ATP7B: variants seen among roughly 807,000 people sequenced by gnomAD.
The protein encoded by ATP7B is copper-transporting ATPase 2.
In ATP7B, 113 loss-of-function variants were observed where a neutral mutation model predicts 118.9. The observed-to-expected ratio is 0.95, with a 90% confidence interval of 0.82 to 1.11. The LOEUF (loss-of-function observed/expected upper bound fraction) is 1.11, where lower values mean the gene tolerates loss of function less well. Ranked by LOEUF, ATP7B falls within the 50% of genes most tolerant of loss-of-function variation. The probability of loss-of-function intolerance (pLI) is 0.00; values close to 1 mark genes in which losing one functional copy is unlikely to be tolerated. For synonymous variants in ATP7B, 777 were observed against 727.4 expected, an observed-to-expected ratio of 1.07 and a Z score of -1.10; for missense variants, 1,867 against 1,871.4, an observed-to-expected ratio of 1.00 and a Z score of 0.04.
intron 1 of ATP7B, among the ~76,000 whole-genome samples, chr13:51,993,141 C>A (rs1176447149): frequency 1.3e-5 from 2 of 152,038 alleles, no homozygotes; most frequent in African/African-American, 4.8e-5. Flanking sequence ...CATAAACATA[C>A]ATACACGTAT....
intron 1 of ATP7B, among the ~76,000 whole-genome samples, chr13:52,005,241 G>T (rs1417316319): frequency 6.6e-6 from 1 of 152,162 alleles, no homozygotes; most frequent in Non-Finnish European, 1.5e-5. Context: ...ATCTTTCTAA[G>T]TTCTGCTTCC....
rs766820841 is a variant in ATP7B, at chr13:51,939,131, G to A, written c.3619C>T (p.His1207Tyr). The change falls in exon 17 of 21, where the codon CAC (histidine) becomes TAC (tyrosine). Residue 1207 changes from histidine to tyrosine, a missense_variant. His to Tyr is a moderately conservative substitution (Grantham distance 83). Coordinates refer to ENST00000242839, the MANE Select transcript of ATP7B (RefSeq NM_000053.4). The stretch of plus-strand genomic sequence containing the variant: ...TCCACACCCATGCTCTGCAGCGTGT[G>A]CACAGCCAGGGCAGCCTCCTGCTTG... ...AVKQEAALAV[H>Y]TLQSMGVDVV... 2 of 1,614,200 alleles carry A rather than the reference G, an allele frequency of 1.2e-6. No homozygotes were observed. The highest frequency in any genetic ancestry group is 1.7e-5 in the Admixed American group (1 of 60,038).
chr13:51,994,116 G>A (rs983110295), intron 1 of ATP7B, among the ~76,000 whole-genome samples: 4 of 152,252 alleles, frequency 2.6e-5, no homozygotes, highest in African/African-American at 7.2e-5. Flanking sequence ...TAAACACATG[G>A]CTAAAAGTAT....
At chr13:52,011,199 C>G in intron 1 of ATP7B, 88 bp downstream of exon 1, 8 of 1,603,592 alleles carry the variant, frequency 5.0e-6, no homozygotes, top group Non-Finnish European at 6.8e-6. Flanking sequence ...TGCGCACCCC[C>G]TGGGGGCGAG....
chr13:51,998,636 G>A (rs1953334980), intron 1 of ATP7B, among the ~76,000 whole-genome samples: 1 of 152,130 alleles, frequency 6.6e-6, no homozygotes. Flanking sequence ...AATTTCACGA[G>A]CCATTTTCCA....
At chr13:51,958,184 G>T in intron 8 of ATP7B, 127 bp downstream of exon 8, 1 of 1,109,402 alleles carries the variant, frequency 9.0e-7, no homozygotes, top group Non-Finnish European at 1.3e-6. Flanking sequence ...ATTATATGGA[G>T]GTTTCCTATT....
intron 6 of ATP7B, among the ~76,000 whole-genome samples, chr13:51,961,146 G>C (rs1397286581): frequency 5.3e-5 from 8 of 151,968 alleles, no homozygotes; most frequent in Non-Finnish European, 1.0e-4. Context: ...TTGAGGCTCA[G>C]ATCTTATGTC....
intron 1 of ATP7B, chr13:51,995,221 A>G (rs61958784): frequency 0.049 from 43,611 of 893,834 alleles, 1,192 homozygotes; most frequent in African/African-American, 0.094. Flanking sequence ...CCTCTCCCCA[A>G]TATCCCACAC....
intron 1 of ATP7B, among the ~76,000 whole-genome samples, chr13:52,008,858 C>T (rs1321341391): frequency 6.7e-6 from 1 of 148,602 alleles, no homozygotes; most frequent in Non-Finnish European, 1.5e-5. Flanking sequence ...CTATCTTATT[C>T]CCTTATTCTG....
chr13:51,958,026 G>A (rs763893080), intron 8 of ATP7B: 154 of 500,084 alleles, frequency 3.1e-4, no homozygotes, highest in Middle Eastern at 1.1e-3. Context: ...ATTCAGTTTT[G>A]CACCAAGAGA....
At chr13:51,991,314 C>T (rs571578960) in intron 1 of ATP7B, among the ~76,000 whole-genome samples, 1 of 152,140 alleles carries the variant, frequency 6.6e-6, no homozygotes, top group Non-Finnish European at 1.5e-5. Context: ...CTGTCAGATA[C>T]AGGATACGAT....
At chr13:51,985,731 T>G (rs1391173595) in intron 1 of ATP7B, among the ~76,000 whole-genome samples, 2 of 152,204 alleles carry the variant, frequency 1.3e-5, no homozygotes, top group Non-Finnish European at 2.9e-5. Flanking sequence ...CAGATCACAG[T>G]GCAATCAAAT....
chr13:51,966,769 A>C (rs1951570607), intron 4 of ATP7B: 16 of 1,597,694 alleles, frequency 1.0e-5, no homozygotes, highest in Non-Finnish European at 1.4e-5. Flanking sequence ...GCTGGAAGGA[A>C]GATGGCGCCT....
At position 51,944,231 on chromosome 13, in the gene ATP7B, G is replaced by A. The variant is rs746485916; in HGVS notation, c.3121C>T (p.Arg1041Trp). The A allele has an allele frequency of 1.4e-5, 23 of 1,613,906 alleles. No individual in the cohort carries two copies. Among genetic ancestry groups the A allele is most frequent in the Non-Finnish European group, 1.8e-5 (21 of 1,180,016 alleles). ...GCCACATCCCCCAGCAGGAGCACCC[G>A]CATGACCCTGGGGACGCCATGGGTA... ...TITHGVPRVM[R>W]VLLLGDVATL... Residue 1041 changes from arginine (R) to tryptophan (W), a missense_variant, in exon 14 of 21, where the codon CGG becomes TGG. Arg to Trp is a moderately radical substitution (Grantham distance 101, BLOSUM62 -3). Transcript: ENST00000242839.
At chr13:51,993,103 T>C (rs1226908543) in intron 1 of ATP7B, among the ~76,000 whole-genome samples, 2 of 151,808 alleles carry the variant, frequency 1.3e-5, no homozygotes, top group Admixed American at 6.6e-5. Context: ...TGATCCCATA[T>C]TTATTTTAAA....
chr13:51,980,831 C>G (rs1053031407), intron 1 of ATP7B, among the ~76,000 whole-genome samples: 1 of 152,146 alleles, frequency 6.6e-6, no homozygotes, highest in South Asian at 2.1e-4. Context: ...ATGTATAACA[C>G]CCATAACAAC....
intron 13 of ATP7B, among the ~76,000 whole-genome samples, chr13:51,945,994 A>G (rs1490468225): frequency 6.6e-6 from 1 of 152,158 alleles, no homozygotes; most frequent in Non-Finnish European, 1.5e-5. Context: ...TGGTCAAGTT[A>G]CCTAATCTCC....
rs546721953 is a variant in ATP7B at position 52,011,157 on chromosome 13, T to A, written c.51+130A>T. The A allele has an allele frequency of 8.1e-5, 109 of 1,345,250 alleles. 1 individual carries two copies. The Middle Eastern group carries it at 8.7e-4, about 11-fold the overall frequency. 83.3% of individuals were successfully genotyped at this position (1,345,250 alleles called of 1,614,324 possible). On this transcript the variant is annotated intron_variant, in intron 1 of 20. Transcript: ENST00000242839. ...GGTCCTTTTCTCCCACGCCAAGACATCCCTGGAGCTGGGGTCTGGCTCGGC... is the reference window on the plus strand; with the variant it reads ...GGTCCTTTTCTCCCACGCCAAGACAACCCTGGAGCTGGGGTCTGGCTCGGC...
chr13:51,967,168 G>A (rs1268495421), intron 4 of ATP7B: 2 of 1,557,678 alleles, frequency 1.3e-6, no homozygotes, highest in Non-Finnish European at 1.7e-6. Flanking sequence ...TCATCACTTT[G>A]GACAGGAGTT....
Sources: allele counts gnomAD v4.1 joint callset (sites outside exome capture counted in the v4.1 genomes callset), GRCh38; gene constraint gnomAD v4.1.1; transcripts MANE v1.5; gene names NCBI Gene and HGNC (gene_info 2026-07-23, HGNC 2026-07-21).